The following HTR4 variants were observed in gnomAD, a reference collection of about 807,000 sequenced individuals.
The protein encoded by HTR4 is 5-hydroxytryptamine (serotonin) receptor 4, G protein-coupled.
In HTR4, 16 loss-of-function variants were observed where a neutral mutation model predicts 36.8. The observed-to-expected ratio is 0.43, with a 90% CI of 0.29 to 0.66. HTR4 has a LOEUF of 0.66. Ranked by LOEUF, HTR4 falls within the 30% of genes least tolerant of loss-of-function variation. The pLI is 0.13. For synonymous variants in HTR4, 189 were observed against 185.1 expected (o/e 1.02, Z -0.17); for missense variants, 438 against 490.9 (o/e 0.89, Z 1.02).
intron 6 of HTR4, among the ~76,000 whole-genome samples, chr5:148,509,086 A>G (rs1757365424): frequency 6.6e-6 from 1 of 152,204 alleles, no homozygotes; most frequent in Admixed American, 6.5e-5. Flanking sequence ...AATACTTGTT[A>G]AGTGTCAGGC....
chr5:148,479,321 C>T (rs562270292), downstream of HTR4, among the ~76,000 whole-genome samples: 4 of 152,034 alleles, frequency 2.6e-5, no homozygotes, highest in South Asian at 2.1e-4. Context: ...TAGCTTCAAA[C>T]GACATAGCTA....
chr5:148,494,154 T>A (rs1432135301), intron 6 of HTR4, among the ~76,000 whole-genome samples: 4 of 152,232 alleles, frequency 2.6e-5, no homozygotes, highest in African/African-American at 9.6e-5. Flanking sequence ...AATTAATACA[T>A]ATTTTTTAAA....
chr5:148,535,911 A>T (rs1758796794), intron 4 of HTR4, among the ~76,000 whole-genome samples: 1 of 152,208 alleles, frequency 6.6e-6, no homozygotes, highest in South Asian at 2.1e-4. Context: ...ACACAAGAAG[A>T]CCATCCCCAA....
intron 2 of HTR4, among the ~76,000 whole-genome samples, chr5:148,554,638 T>C (rs1759847294): frequency 6.6e-6 from 1 of 152,214 alleles, no homozygotes; most frequent in Non-Finnish European, 1.5e-5. Context: ...ATAGTTGTAA[T>C]GGTTGCACAC....
At chr5:148,492,237 G>A (rs554290772) in intron 6 of HTR4, among the ~76,000 whole-genome samples, 8 of 152,310 alleles carry the variant, frequency 5.3e-5, no homozygotes, top group African/African-American at 1.4e-4. Context: ...CACACGGAAT[G>A]TGCTCAACTT....
intron 5 of HTR4, chr5:148,461,915 T>A (rs1347992236): frequency 6.6e-6 from 1 of 152,050 alleles, no homozygotes; most frequent in Non-Finnish European, 1.5e-5. Context: ...ATGTCTGCTC[T>A]CAGGCCACAG....
At chr5:148,639,416 C>T (rs899146683) in intron 1 of HTR4, among the ~76,000 whole-genome samples, 9 of 151,972 alleles carry the variant, frequency 5.9e-5, no homozygotes, top group Non-Finnish European at 8.8e-5. Context: ...GGGCCGTAAC[C>T]GTAGGTTCCC....
intron 2 of HTR4, among the ~76,000 whole-genome samples, chr5:148,604,736 G>C (rs1752074330): frequency 6.6e-6 from 1 of 152,280 alleles, no homozygotes; most frequent in African/African-American, 2.4e-5. Context: ...ATGAATGAAA[G>C]AGGCCAGACA....
intron 2 of HTR4, among the ~76,000 whole-genome samples, chr5:148,615,395 T>C (rs1425882319): frequency 2.0e-5 from 3 of 150,678 alleles, no homozygotes; most frequent in East Asian, 2.0e-4. Flanking sequence ...ATGGATGAAA[T>C]TGGAAATCAT....
chr5:148,620,752 C>T (rs1752884927), intron 2 of HTR4, among the ~76,000 whole-genome samples: 1 of 152,164 alleles, frequency 6.6e-6, no homozygotes, highest in African/African-American at 2.4e-5. Flanking sequence ...TTCTATTGGA[C>T]AACCTGCTCT....
At chr5:148,548,399 T>G (rs916635395) in intron 4 of HTR4, among the ~76,000 whole-genome samples, 11 of 152,210 alleles carry the variant, frequency 7.2e-5, no homozygotes, top group African/African-American at 2.7e-4. Flanking sequence ...GTAAACTTGA[T>G]TGCTGACATC....
At chr5:148,635,738 G>A (rs1753510232) in intron 2 of HTR4, among the ~76,000 whole-genome samples, 1 of 152,028 alleles carries the variant, frequency 6.6e-6, no homozygotes, top group South Asian at 2.1e-4. Context: ...ATAAAATTGA[G>A]ATTCTCTGCA....
At chr5:148,494,103 C>T (rs1181376296) in intron 6 of HTR4, among the ~76,000 whole-genome samples, 1 of 152,188 alleles carries the variant, frequency 6.6e-6, no homozygotes, top group Non-Finnish European at 1.5e-5. Context: ...CAAAATTTAA[C>T]AAGTGGTTTC....
rs1408688862 is a variant in HTR4, at chr5:148,613,478, C to T, written c.26+23511G>A. Among the ~76,000 whole-genome samples, 1,007 of 152,074 alleles carry T rather than the reference C, an allele frequency of 6.6e-3. 11 individuals are homozygous for T. The highest frequency in any genetic ancestry group is 0.023 in the African/African-American group (936 of 41,472). On this transcript the variant is annotated intron_variant, in intron 2 of 6. Transcript: ENST00000377888. Reference sequence around the variant, plus strand: ...AGGAAAGGCCTTTGACAAAATTCAACAACCCTTCATGCTAAAAACTCTCAA... The same window carrying T: ...AGGAAAGGCCTTTGACAAAATTCAATAACCCTTCATGCTAAAAACTCTCAA...
chr5:148,479,184 G>C (rs1201422565), downstream of HTR4, among the ~76,000 whole-genome samples: 1 of 152,030 alleles, frequency 6.6e-6, no homozygotes, highest in South Asian at 2.1e-4. Context: ...TTGTCTTATT[G>C]CTGGAGGCCT....
intron 2 of HTR4, among the ~76,000 whole-genome samples, chr5:148,611,017 T>C (rs1752402128): frequency 2.0e-5 from 3 of 149,512 alleles, no homozygotes; most frequent in Admixed American, 1.3e-4. Context: ...CCAAGAAATA[T>C]GGGACTATGT....
chr5:148,544,612 A>G (rs1338137238), intron 4 of HTR4, among the ~76,000 whole-genome samples: 1 of 152,212 alleles, frequency 6.6e-6, no homozygotes, highest in Non-Finnish European at 1.5e-5. Context: ...ACTGTACTCT[A>G]AAGCTTTTAA....
intron 2 of HTR4, among the ~76,000 whole-genome samples, chr5:148,625,671 C>A (rs1217983600): frequency 1.3e-5 from 2 of 152,038 alleles, no homozygotes; most frequent in Non-Finnish European, 2.9e-5. Flanking sequence ...ACCTCTGCCT[C>A]CCGGGTTCAA....
rs543335866 is a variant in HTR4, at chr5:148,540,915, C to G, written c.353+7753G>C. Among the ~76,000 whole-genome samples, 3 of 152,174 alleles carry G rather than the reference C, an allele frequency of 2.0e-5. No individual in the cohort carries two copies. In the East Asian group the frequency reaches 5.8e-4, roughly 29 times the overall value. On this transcript the variant is annotated intron_variant, in intron 4 of 6. Coordinates refer to ENST00000377888, the MANE Select transcript of HTR4 (RefSeq NM_000870.7). ...AGATGACTATCAGTGTCTGGGAAGG[C>G]CCTCGCTACAGCCACTAGGAATTTG...
Sources: allele counts gnomAD v4.1 joint callset (sites outside exome capture counted in the v4.1 genomes callset), GRCh38; gene constraint gnomAD v4.1.1; transcripts MANE v1.5; gene names NCBI Gene and HGNC (gene_info 2026-07-23, HGNC 2026-07-21).